TAF2: variants seen among roughly 807,000 people sequenced by gnomAD.
TAF2 encodes transcription initiation factor TFIID subunit 2.
In TAF2, 61 loss-of-function variants were observed where a neutral mutation model predicts 138.5. That is an observed-to-expected ratio of 0.44 (90% CI 0.36 to 0.54). The LOEUF (loss-of-function observed/expected upper bound fraction) is 0.54. Ranked by LOEUF, TAF2 falls within the 20% of genes least tolerant of loss-of-function variation. The probability of loss-of-function intolerance (pLI) is 0.00; values close to 1 mark genes in which losing one functional copy is unlikely to be tolerated. For missense variants in TAF2, 1,090 were observed against 1,427.9 expected (o/e 0.76, Z 3.81); for synonymous variants, 475 against 469.9 (o/e 1.01, Z -0.14).
At chr8:119,823,646 GAACT>G (rs1297493426) in intron 2 of TAF2, among the ~76,000 whole-genome samples, 2 of 152,138 alleles carry the variant, frequency 1.3e-5, no homozygotes, top group African/African-American at 2.4e-5. Flanking sequence ...GCATGAAAAT[GAACT>G]AATACAGTAA....
Position 119,760,619 on chromosome 8 carries a change from G to T in TAF2, c.2678C>A (p.Ala893Glu). The change falls in exon 20 of 26, where the codon GCA (alanine) becomes GAA (glutamate). Residue 893 changes from alanine to glutamate, a missense_variant. Around this residue, in one of 3 missense-constraint regions of TAF2, gnomAD observed 580 missense variants for 719.6 expected, o/e 0.81. Transcript: ENST00000378164. ...FVDIRIAALE[A>E]VVDYTKVDRS... Reference sequence around the variant, plus strand: ...ATTACCTTTAGTATAATCAACAACTGCTTCCAAAGCTGCTATCCTAATGTC... The same window carrying T: ...ATTACCTTTAGTATAATCAACAACTTCTTCCAAAGCTGCTATCCTAATGTC... The T allele has an allele frequency of 6.2e-7, 1 of 1,613,474 alleles. No homozygotes were observed. The highest frequency in any genetic ancestry group is 2.2e-5 in the East Asian group (1 of 44,844).
intron 10 of TAF2, among the ~76,000 whole-genome samples, chr8:119,792,856 C>G (rs1349633297): frequency 3.3e-5 from 5 of 152,114 alleles, no homozygotes; most frequent in Non-Finnish European, 7.4e-5. Context: ...GAGAGCAGCC[C>G]TCACCAGACA....
At position 119,760,713 on chromosome 8, in the gene TAF2, G is replaced by A; in HGVS notation, c.2584C>T (p.Gln862Ter). ...VSCLRAIRVL[Q>*]KNGHVPSDPA... ...TCACTTGGCACATGTCCGTTCTTCTGAAGTACCCGTATGGCTCTCAAACAA... is the reference window on the plus strand; with the variant it reads ...TCACTTGGCACATGTCCGTTCTTCTAAAGTACCCGTATGGCTCTCAAACAA... Residue 862 changes from glutamine to a stop codon, truncating the protein, a stop_gained, in exon 20 of 26, where the codon CAG becomes TAG. Transcript: ENST00000378164. LOFTEE classifies it high-confidence loss of function. 2 of 1,613,900 alleles carry A rather than the reference G, an allele frequency of 1.2e-6. No homozygotes were observed. The highest frequency in any genetic ancestry group is 1.7e-6 in the Non-Finnish European group (2 of 1,179,922).
chr8:119,804,845 G>A (rs73705419), intron 4 of TAF2, among the ~76,000 whole-genome samples: 2,529 of 152,062 alleles, frequency 0.017, 81 homozygotes, highest in African/African-American at 0.059. Flanking sequence ...GAACACCACC[G>A]GAGAATTTGC....
chr8:119,776,346 G>A lies in TAF2; in HGVS notation c.2364+1673C>T, dbSNP rs538683093. The stretch of plus-strand genomic sequence containing the variant: ...GTCATCTTTTAATAAACATGCCTGT[G>A]CTTTTTTTTTTTTTTTTTACTGTTG... On this transcript the variant is annotated intron_variant, in intron 18 of 25. Coordinates refer to ENST00000378164, the MANE Select transcript of TAF2 (RefSeq NM_003184.4). Among the ~76,000 whole-genome samples, 513 of 103,826 alleles carry A rather than the reference G, an allele frequency of 4.9e-3. 2 individuals are homozygous for A. The highest frequency in any genetic ancestry group is 0.042 in the Middle Eastern group (7 of 168). 68.1% of individuals were successfully genotyped at this position (103,826 alleles called of 152,430 possible).
intron 19 of TAF2, 34 bp from the exon 20 acceptor site, chr8:119,760,772 A>G (rs780417668): frequency 6.2e-7 from 1 of 1,612,928 alleles, no homozygotes; most frequent in East Asian, 2.2e-5. Flanking sequence ...AACTACTTTC[A>G]CTGAGGTATT....
Position 119,737,310 on chromosome 8 carries a change from T to C in TAF2, c.3338-5124A>G, listed in dbSNP as rs1279039679. Among the ~76,000 whole-genome samples, 3 of 152,080 alleles carry C rather than the reference T, an allele frequency of 2.0e-5. No individual in the cohort carries two copies. The East Asian group carries it at 5.8e-4, about 29-fold the overall frequency. ...TAATGTGCTACCTTTTACAGATACA[T>C]ACTAAATAATTTATGAATAAAATTA... On this transcript the variant is annotated intron_variant, in intron 25 of 25. Coordinates refer to ENST00000378164, the MANE Select transcript of TAF2 (RefSeq NM_003184.4).
intron 3 of TAF2, among the ~76,000 whole-genome samples, chr8:119,812,787 T>C (rs1825179415): frequency 8.4e-6 from 1 of 119,558 alleles, no homozygotes; most frequent in South Asian, 2.9e-4. Flanking sequence ...TGTGTGTGTG[T>C]ATATACACAC....
intron 4 of TAF2, among the ~76,000 whole-genome samples, chr8:119,805,446 C>T (rs1824557660): frequency 6.6e-6 from 1 of 152,148 alleles, no homozygotes; most frequent in African/African-American, 2.4e-5. Context: ...TGGCTCACGC[C>T]TGTAATCCCA....
intron 2 of TAF2, among the ~76,000 whole-genome samples, chr8:119,824,927 A>C (rs1826007188): frequency 6.6e-6 from 1 of 152,244 alleles, no homozygotes. Flanking sequence ...CTCCTAGGCC[A>C]GTGCAGAAGA....
chr8:119,784,892 A>G (rs1822909129), intron 15 of TAF2, among the ~76,000 whole-genome samples: 1 of 152,156 alleles, frequency 6.6e-6, no homozygotes, highest in African/African-American at 2.4e-5. Context: ...TCACATGCAC[A>G]TTATAGTCTG....
chr8:119,744,198 T>G (rs1819791271), intron 24 of TAF2, 90 bp downstream of exon 24: 2 of 1,191,594 alleles, frequency 1.7e-6, no homozygotes, highest in South Asian at 2.4e-5. Flanking sequence ...ACTGTATAGT[T>G]GTTCATTTGA....
At chr8:119,738,248 A>G (rs1819367260) in intron 25 of TAF2, among the ~76,000 whole-genome samples, 1 of 152,094 alleles carries the variant, frequency 6.6e-6, no homozygotes, top group African/African-American at 2.4e-5. Flanking sequence ...ACGTGGTAAG[A>G]AAGCATAATT....
chr8:119,731,789 A>AGC lies in TAF2; in HGVS notation c.*134_*135insGC. The AGC allele has an allele frequency of 1.2e-6, 1 of 860,074 alleles. No individual in the cohort carries two copies. Among genetic ancestry groups the AGC allele is most frequent in the Admixed American group, 2.0e-5 (1 of 49,960 alleles). The allele number at this position is 860,074 out of a possible 1,614,324, so 53.3% of individuals were successfully genotyped here. On this transcript the variant is annotated 3_prime_UTR_variant, in exon 26 of 26. Transcript: ENST00000378164. ...AAATAACATAAATCAAATGCTTAGA[A>AGC]CTTAAATGAATTCAGAATTTCTGTA...
chr8:119,819,599 T>C, intron 2 of TAF2, 93 bp from the exon 3 acceptor site: 1 of 1,050,374 alleles, frequency 9.5e-7, no homozygotes, highest in East Asian at 2.4e-5. Context: ...CATATTATAC[T>C]ACAGAGACAA....
At chr8:119,821,980 C>T (rs1293969785) in intron 2 of TAF2, among the ~76,000 whole-genome samples, 1 of 151,936 alleles carries the variant, frequency 6.6e-6, no homozygotes, top group Non-Finnish European at 1.5e-5. Context: ...TGCAGCGAGT[C>T]ATGATTGTGA....
At chr8:119,753,156 CA>C (rs1036148303) in intron 22 of TAF2, among the ~76,000 whole-genome samples, 1 of 152,138 alleles carries the variant, frequency 6.6e-6, no homozygotes, top group Admixed American at 6.6e-5. Context: ...CTATATAACA[CA>C]ACACACACAC....
At chr8:119,766,891 G>C (rs1821464294) in intron 18 of TAF2, 1 of 152,150 alleles carries the variant, frequency 6.6e-6, no homozygotes, top group Admixed American at 6.5e-5. Context: ...TAGGTATATA[G>C]TAACCTCTTC....
Position 119,742,541 on chromosome 8 carries a change from C to A in TAF2, c.3330G>T (p.Lys1110Asn), listed in dbSNP as rs774886563. 1 of 1,613,700 alleles carries A rather than the reference C, an allele frequency of 6.2e-7. No individual in the cohort carries two copies. The highest frequency in any genetic ancestry group is 2.2e-5 in the East Asian group (1 of 44,866). Residue 1110 changes from lysine to asparagine, a missense_variant, in exon 25 of 26, where the codon AAG (lysine) becomes AAT (asparagine). By Grantham distance (94) the Lys-to-Asn change is moderately conservative (BLOSUM62 0). Coordinates refer to ENST00000378164, the MANE Select transcript of TAF2 (RefSeq NM_003184.4). ...KPQWSLELAR[K>N]GTGKEQAPLE... ...CTGATTAATTATTTTTACCTGTTCC[C>A]TTCCGTGCAAGTTCCAAACTCCACT...
Sources: allele counts gnomAD v4.1 joint callset (sites outside exome capture counted in the v4.1 genomes callset), GRCh38; gene constraint gnomAD v4.1.1; regional missense constraint gnomAD v4.1.1; transcripts MANE v1.5; gene names NCBI Gene and HGNC (gene_info 2026-07-23, HGNC 2026-07-21).